The following SPATA22 variants were observed in gnomAD, a reference collection of about 807,000 sequenced individuals.
SPATA22 encodes spermatogenesis-associated protein 22.
In SPATA22, 29 loss-of-function variants were observed where a neutral mutation model predicts 47.8. The ratio of observed to expected loss-of-function variants is 0.61; its 90% CI spans 0.45 to 0.83. SPATA22 has a LOEUF of 0.83. Ranked by LOEUF, SPATA22 falls within the 40% of genes least tolerant of loss-of-function variation. SPATA22 has a pLI of 0.00. For synonymous variants in SPATA22, 133 were observed against 140.9 expected, an observed-to-expected ratio of 0.94 and a Z score of 0.40; for missense variants, 410 against 421.7, an observed-to-expected ratio of 0.97 and a Z score of 0.24.
In SPATA22 at chr17:3,490,369, A is replaced by T. The variant is rs1298690862; in HGVS notation, c.-73-20971T>A. On this transcript the variant is annotated intron_variant, in intron 1 of 8. Coordinates refer to the SPATA22 transcript ENST00000541913. The surrounding 1 kb of genome is among the most constrained non-coding windows in gnomAD (Gnocchi z 4.6). ...TAAAAAGTCTATTAGTTATAAAAAA[A>T]GTTTACTTTAAAATGGAAAATAGTT... Among the ~76,000 whole-genome samples, 2 of 152,248 alleles carry T rather than the reference A, an allele frequency of 1.3e-5. No homozygotes were observed. The highest frequency in any genetic ancestry group is 2.4e-5 in the African/African-American group (1 of 41,460).
chr17:3,458,093 T>G (rs142603894), intron 5 of SPATA22, among the ~76,000 whole-genome samples: 24 of 152,186 alleles, frequency 1.6e-4, no homozygotes, highest in African/African-American at 5.5e-4. Context: ...GTAGTTAATA[T>G]CCAAAATATT....
chr17:3,453,133 A>G (rs1355281030), intron 5 of SPATA22, among the ~76,000 whole-genome samples: 1 of 152,210 alleles, frequency 6.6e-6, no homozygotes, highest in African/African-American at 2.4e-5. Context: ...AATAAATACT[A>G]GCAAGGCAAA....
At chr17:3,496,834 A>T (rs964721034) in intron 1 of SPATA22, among the ~76,000 whole-genome samples, 1 of 152,194 alleles carries the variant, frequency 6.6e-6, no homozygotes, top group African/African-American at 2.4e-5. Context: ...TGGGAGGCCG[A>T]GGCGGGCGGA....
chr17:3,509,061 C>T (rs1289053764), intron 1 of SPATA22, among the ~76,000 whole-genome samples: 1 of 151,994 alleles, frequency 6.6e-6, no homozygotes, highest in Non-Finnish European at 1.5e-5. Flanking sequence ...CTCTCATTGC[C>T]TCCTTGTGAA....
At chr17:3,457,000 C>A (rs573401382) in intron 5 of SPATA22, among the ~76,000 whole-genome samples, 2 of 151,806 alleles carry the variant, frequency 1.3e-5, no homozygotes, top group Non-Finnish European at 2.9e-5. Context: ...ATTCAACAAC[C>A]CTTCATGCTA....
Position 3,481,731 on chromosome 17 carries a change from T to G in SPATA22, c.-73-12333A>C. Reference sequence around the variant, plus strand: ...GACCTTCACAACACCACCTCTAACATGGGGTGCACTCTTATTCTTGAGGAT... The same window carrying G: ...GACCTTCACAACACCACCTCTAACAGGGGGTGCACTCTTATTCTTGAGGAT... On this transcript the variant is annotated intron_variant, in intron 1 of 8. Coordinates refer to the SPATA22 transcript ENST00000541913. 1 of 1,613,726 alleles carries G rather than the reference T, an allele frequency of 6.2e-7. No individual in the cohort carries two copies.
chr17:3,481,455 T>C, intron 1 of SPATA22: 1 of 692,362 alleles, frequency 1.4e-6, no homozygotes, highest in Non-Finnish European at 2.4e-6. Flanking sequence ...TTTTCATATA[T>C]AAACATTTCA....
chr17:3,479,776 T>C (rs1325025687), intron 1 of SPATA22, among the ~76,000 whole-genome samples: 1 of 152,154 alleles, frequency 6.6e-6, no homozygotes, highest in African/African-American at 2.4e-5. Flanking sequence ...AATTAGCCCA[T>C]TGTACACAGT....
chr17:3,451,011 T>C (rs1282112769), intron 5 of SPATA22, among the ~76,000 whole-genome samples: 1 of 152,174 alleles, frequency 6.6e-6, no homozygotes, highest in Non-Finnish European at 1.5e-5. Flanking sequence ...GGTATGCCTA[T>C]ATGAGGAGAG....
chr17:3,441,687 A>G (rs2072601223), intron 8 of SPATA22: 1 of 152,082 alleles, frequency 6.6e-6, no homozygotes, highest in African/African-American at 2.4e-5. Flanking sequence ...GCAAATGCAT[A>G]AGAGACATAG....
At position 3,440,134 on chromosome 17, in the gene SPATA22, C is replaced by A. The variant is rs1229979806; in HGVS notation, c.*13G>T. ...ACTGCTATAATTTATGCTAAACTTC[C>A]TTTTATCACTACTTAAGTTTCATTC... On this transcript the variant is annotated 3_prime_UTR_variant, in exon 9 of 9. Transcript: ENST00000572969. 6.7e-7 allele frequency: 1 copy of A among 1,484,568 alleles called. No individual in the cohort carries two copies. Among genetic ancestry groups the A allele is most frequent in the Non-Finnish European group, 9.0e-7 (1 of 1,109,972 alleles). The allele number at this position is 1,484,568 out of a possible 1,614,324, so 92.0% of individuals were successfully genotyped here. A position where few individuals can be genotyped will look rare whatever the true frequency, so the allele number is the denominator to read the frequency against.
At position 3,481,766 on chromosome 17, in the gene SPATA22, A is replaced by C; in HGVS notation, c.-73-12368T>G. On this transcript the variant is annotated intron_variant, in intron 1 of 8. Transcript: ENST00000541913. ...TCTTATTCTTGAGGATTCCAGGAAT[A>C]ACTTTTTAATTCAGATGTTTCATTA... 3.1e-6 allele frequency: 5 copies of C among 1,612,282 alleles called. No homozygotes were observed. The highest frequency in any genetic ancestry group is 4.2e-6 in the Non-Finnish European group (5 of 1,178,998).
At chr17:3,493,240 G>A (rs549318212) in intron 1 of SPATA22, among the ~76,000 whole-genome samples, 1 of 152,262 alleles carries the variant, frequency 6.6e-6, no homozygotes, top group Admixed American at 6.5e-5. Flanking sequence ...TCATTACTCA[G>A]GAGCTGTCCA....
intron 3 of SPATA22, among the ~76,000 whole-genome samples, chr17:3,463,217 GAC>G (rs1338990581): frequency 1.3e-5 from 2 of 152,182 alleles, no homozygotes; most frequent in African/African-American, 2.4e-5. Flanking sequence ...GATACACACT[GAC>G]ACAGTCATGT....
At chr17:3,480,829 G>A (rs759702563) in intron 1 of SPATA22, among the ~76,000 whole-genome samples, 3 of 152,220 alleles carry the variant, frequency 2.0e-5, no homozygotes, top group Non-Finnish European at 2.9e-5. Context: ...AGGATAGCTT[G>A]GAGATTAGAA....
intron 1 of SPATA22, among the ~76,000 whole-genome samples, chr17:3,483,101 G>T (rs374503133): frequency 1.3e-5 from 2 of 151,996 alleles, no homozygotes; most frequent in African/African-American, 2.4e-5. Context: ...CCCAACATCT[G>T]TAGAGAGCTG....
intron 1 of SPATA22, among the ~76,000 whole-genome samples, chr17:3,492,589 A>C (rs1222523073): frequency 6.6e-6 from 1 of 152,190 alleles, no homozygotes. Context: ...GTGCCATAGA[A>C]GAGGCTTGAA....
intron 8 of SPATA22, 77 bp from the exon 9 acceptor site, chr17:3,440,415 C>G: frequency 8.0e-7 from 1 of 1,256,580 alleles, no homozygotes; most frequent in Non-Finnish European, 1.1e-6. Context: ...TTTATGTGAT[C>G]AACTAAACAT....
intron 1 of SPATA22, among the ~76,000 whole-genome samples, chr17:3,505,372 G>C (rs1464445413): frequency 6.6e-6 from 1 of 152,240 alleles, no homozygotes. Context: ...CGCATAGAAG[G>C]AGCTCAGTGC....
Sources: gnomAD v4.1 joint callset for allele counts (sites outside exome capture counted in the v4.1 genomes callset) on GRCh38, gnomAD v4.1.1 for gene constraint, Gnocchi (gnomAD v3.1) non-coding constraint, MANE v1.5 for transcripts, NCBI Gene and HGNC (gene_info 2026-07-23, HGNC 2026-07-21) for gene names.